Variants in PRDM5 observed in about 807,000 individuals in gnomAD.
PRDM5 encodes PR/SET domain 5.
PRDM5 carries 56 observed loss-of-function variants against 81.2 expected under a neutral mutation model. The ratio of observed to expected loss-of-function variants is 0.69; its 90% CI spans 0.56 to 0.86. The LOEUF (loss-of-function observed/expected upper bound fraction) is 0.86, where lower values mean the gene tolerates loss of function less well. Ranked by LOEUF, PRDM5 falls within the 40% of genes least tolerant of loss-of-function variation. The pLI is 0.00. For missense variants in PRDM5, 697 were observed against 770.1 expected (o/e 0.91, Z 1.12); for synonymous variants, 267 against 256.4 (o/e 1.04, Z -0.39).
At chr4:120,893,712 C>T (rs1420335998) in intron 2 of PRDM5, among the ~76,000 whole-genome samples, 1 of 152,256 alleles carries the variant, frequency 6.6e-6, no homozygotes, top group Non-Finnish European at 1.5e-5. Context: ...ATTATTCATT[C>T]GCCTATTTCT....
At chr4:120,839,963 C>T (rs559089812) in intron 3 of PRDM5, among the ~76,000 whole-genome samples, 13 of 152,368 alleles carry the variant, frequency 8.5e-5, no homozygotes, top group Middle Eastern at 3.4e-3. Context: ...TGACAGCAAC[C>T]GGGCTCAGCC....
intron 13 of PRDM5, among the ~76,000 whole-genome samples, chr4:120,755,390 A>G (rs1357250837): frequency 6.6e-6 from 1 of 152,224 alleles, no homozygotes; most frequent in Non-Finnish European, 1.5e-5. Flanking sequence ...GCTCAAAATC[A>G]CTAATTGATT....
At chr4:120,883,973 T>C (rs535797604) in intron 2 of PRDM5, among the ~76,000 whole-genome samples, 1 of 152,268 alleles carries the variant, frequency 6.6e-6, no homozygotes, top group South Asian at 2.1e-4. Flanking sequence ...AATTACACAT[T>C]TAAAAGGGTA....
chr4:120,832,751 G>C (rs1214288693), intron 3 of PRDM5, among the ~76,000 whole-genome samples: 1 of 152,112 alleles, frequency 6.6e-6, no homozygotes, highest in Non-Finnish European at 1.5e-5. Context: ...CATTCAGAAA[G>C]TAGAATGAGC....
At chr4:120,855,966 G>A (rs11737173) in intron 2 of PRDM5, among the ~76,000 whole-genome samples, 37,103 of 152,082 alleles carry the variant, frequency 0.24, 5,263 homozygotes, top group East Asian at 0.53. Flanking sequence ...TTTAACATCT[G>A]GAATTCTTTC....
chr4:120,917,679 TAAAAA>T (rs59237440), intron 1 of PRDM5, among the ~76,000 whole-genome samples: 1 of 142,790 alleles, frequency 7.0e-6, no homozygotes. Flanking sequence ...AGTCAGACAT[TAAAAA>T]AAAAAAAAAA....
chr4:120,706,822 C>G (rs1478990629), intron 15 of PRDM5, among the ~76,000 whole-genome samples: 4 of 148,532 alleles, frequency 2.7e-5, no homozygotes, highest in African/African-American at 4.9e-5. Flanking sequence ...AACTGGTAAC[C>G]ATGATTAAAT....
chr4:120,737,138 A>G (rs1397696748), intron 14 of PRDM5, among the ~76,000 whole-genome samples: 1 of 152,140 alleles, frequency 6.6e-6, no homozygotes, highest in African/African-American at 2.4e-5. Context: ...TGGCTTCATC[A>G]GAGGATCACA....
chr4:120,699,181 T>TATATATATATAC (rs1734973207), intron 15 of PRDM5, among the ~76,000 whole-genome samples: 2 of 113,038 alleles, frequency 1.8e-5, no homozygotes, highest in Non-Finnish European at 3.3e-5. Flanking sequence ...TATATATATA[T>TATATATATATAC]ATATATATAT....
intron 2 of PRDM5, among the ~76,000 whole-genome samples, chr4:120,898,649 T>C (rs1440299009): frequency 6.6e-6 from 1 of 152,234 alleles, no homozygotes; most frequent in East Asian, 1.9e-4. Context: ...AAACAAATTA[T>C]TTTTATATTT....
At chr4:120,709,887 T>C (rs1736703213) in intron 15 of PRDM5, among the ~76,000 whole-genome samples, 1 of 152,178 alleles carries the variant, frequency 6.6e-6, no homozygotes, top group Admixed American at 6.5e-5. Context: ...TATATGCATT[T>C]TGGAATTTTG....
chr4:120,687,694 G>C (rs1371501300), downstream of PRDM5, among the ~76,000 whole-genome samples: 1 of 152,138 alleles, frequency 6.6e-6, no homozygotes, highest in Non-Finnish European at 1.5e-5. Flanking sequence ...CATTGTAACA[G>C]TATTAAGAGG....
intron 14 of PRDM5, among the ~76,000 whole-genome samples, chr4:120,730,448 G>A (rs1239396392): frequency 1.3e-5 from 2 of 152,150 alleles, no homozygotes; most frequent in Non-Finnish European, 1.5e-5. Context: ...ACATAGCATA[G>A]TTCTTGAAAT....
chr4:120,868,411 A>G (rs1397757622), intron 2 of PRDM5, among the ~76,000 whole-genome samples: 3 of 152,196 alleles, frequency 2.0e-5, no homozygotes, highest in Admixed American at 6.5e-5. Context: ...ACAACTTTAC[A>G]TAAGTACAAG....
chr4:120,768,301 T>C (rs1178764903), intron 13 of PRDM5, among the ~76,000 whole-genome samples: 2 of 152,180 alleles, frequency 1.3e-5, no homozygotes, highest in Admixed American at 6.5e-5. Context: ...ATTATTTTGA[T>C]AGTGAATAGG....
chr4:120,690,832 A>G (rs1322963912), downstream of PRDM5, among the ~76,000 whole-genome samples: 1 of 152,142 alleles, frequency 6.6e-6, no homozygotes, highest in African/African-American at 2.4e-5. Flanking sequence ...ATTGATTTAG[A>G]TGATCAAGCT....
At chr4:120,816,405 C>A in intron 7 of PRDM5, 48 bp downstream of exon 7, 1 of 1,614,022 alleles carries the variant, frequency 6.2e-7, no homozygotes. Flanking sequence ...TCGCTGCAGC[C>A]TGGGGAAAGG....
At chr4:120,802,788 A>G (rs1166945270) in intron 8 of PRDM5, among the ~76,000 whole-genome samples, 1 of 152,226 alleles carries the variant, frequency 6.6e-6, no homozygotes, top group Non-Finnish European at 1.5e-5. Context: ...AAAATTTTAA[A>G]AATCAGAGCG....
rs550252008 is a variant in PRDM5, at chr4:120,697,903, G to A, written c.1729-2628C>T. Among the ~76,000 whole-genome samples the A allele has an allele frequency of 2.5e-4, 38 of 150,782 alleles. No individual in the cohort carries two copies. In the South Asian group the frequency reaches 5.2e-3, roughly 21 times the overall value. ...ATAATAAGATCAAGGCAACTTAGTC[G>A]ACAATACTCAAATAAAAATTATAAC... On this transcript the variant is annotated intron_variant, in intron 15 of 15. Coordinates refer to ENST00000264808, the MANE Select transcript of PRDM5 (RefSeq NM_018699.4).
Sources: allele counts gnomAD v4.1 joint callset (sites outside exome capture counted in the v4.1 genomes callset), GRCh38; gene constraint gnomAD v4.1.1; transcripts MANE v1.5; gene names NCBI Gene and HGNC (gene_info 2026-07-23, HGNC 2026-07-21).